Variants in PCYT1A observed in about 807,000 individuals in gnomAD.
PCYT1A encodes the protein choline-phosphate cytidylyltransferase A.
PCYT1A carries 25 observed loss-of-function variants against 43.7 expected under a neutral mutation model. The observed-to-expected ratio is 0.57, with a 90% CI of 0.42 to 0.80. PCYT1A has a LOEUF of 0.80. Ranked by LOEUF, PCYT1A falls within the 30% of genes least tolerant of loss-of-function variation. The probability of loss-of-function intolerance (pLI) is 0.00; values close to 1 mark genes in which losing one functional copy is unlikely to be tolerated. For missense variants in PCYT1A, 421 were observed against 474.2 expected (o/e 0.89, Z 1.04); for synonymous variants, 172 against 170.7 (o/e 1.01, Z -0.06).
At chr3:196,271,184 C>T (rs576022264) in intron 1 of PCYT1A, among the ~76,000 whole-genome samples, 235 of 135,728 alleles carry the variant, frequency 1.7e-3, no homozygotes, top group African/African-American at 4.6e-3. Context: ...GCCACCACAC[C>T]TAGTTATTTT....
chr3:196,258,918 T>G (rs1725027906), intron 2 of PCYT1A, among the ~76,000 whole-genome samples: 1 of 152,222 alleles, frequency 6.6e-6, no homozygotes, highest in Non-Finnish European at 1.5e-5. Flanking sequence ...ATAGTTTGTT[T>G]CTTGTGATGT....
rs1344069101 is a variant in PCYT1A, at chr3:196,252,407, C to T, written c.218-4084G>A. Among the ~76,000 whole-genome samples the T allele has an allele frequency of 3.3e-5, 5 of 152,090 alleles. No homozygotes were observed. The highest frequency in any genetic ancestry group is 4.2e-4 in the South Asian group (2 of 4,814). ...GGATTACAGGCGAAAGCCACCAAGC[C>T]GGGATAATTTTTGTATTTTTATATT... On this transcript the variant is annotated intron_variant, in intron 3 of 8. Coordinates refer to ENST00000431016, the MANE Select transcript of PCYT1A (RefSeq NM_001312673.2). The surrounding 1 kb of genome is among the most constrained non-coding windows in gnomAD (Gnocchi z 4.0).
rs921807065 is a variant in PCYT1A, at chr3:196,277,059, G to A, written c.-10-6518C>T. Reference sequence around the variant, plus strand: ...AGCCTGGCCAACATGGTGAAACCCCGTTTCTACTAAAAATATAAAAATTAG... The same window carrying A: ...AGCCTGGCCAACATGGTGAAACCCCATTTCTACTAAAAATATAAAAATTAG... On this transcript the variant is annotated intron_variant, in intron 1 of 8. Coordinates refer to ENST00000431016, the MANE Select transcript of PCYT1A (RefSeq NM_001312673.2). The surrounding 1 kb of genome is among the most constrained non-coding windows in gnomAD (Gnocchi z 4.1). Among the ~76,000 whole-genome samples the A allele has an allele frequency of 6.6e-6, 1 of 151,634 alleles. No homozygotes were observed. Among genetic ancestry groups the A allele is most frequent in the East Asian group, 1.9e-4 (1 of 5,158 alleles).
rs192917723 is a variant in PCYT1A, at chr3:196,265,041, T to A, written c.117+5374A>T. ...ATTCTTTGTAAGTTATTTTATTTTATTTATTATTATTTTTATTTTATTTAT... is the reference window on the plus strand; with the variant it reads ...ATTCTTTGTAAGTTATTTTATTTTAATTATTATTATTTTTATTTTATTTAT... On this transcript the variant is annotated intron_variant, in intron 2 of 8. Coordinates refer to ENST00000431016, the MANE Select transcript of PCYT1A (RefSeq NM_001312673.2). 1.5e-3 allele frequency among the ~76,000 whole-genome samples: 228 copies of A among 151,506 alleles called. 2 individuals carry two copies. Among genetic ancestry groups the A allele is most frequent in the Middle Eastern group, 6.8e-3 (2 of 292 alleles).
chr3:196,279,132 A>G (rs1181003548), intron 1 of PCYT1A, among the ~76,000 whole-genome samples: 2 of 151,982 alleles, frequency 1.3e-5, no homozygotes, highest in African/African-American at 4.8e-5. Flanking sequence ...TACTAAAACT[A>G]CAAAAATAAG....
chr3:196,278,894 T>C (rs978467714), intron 1 of PCYT1A, among the ~76,000 whole-genome samples: 1 of 148,316 alleles, frequency 6.7e-6, no homozygotes, highest in Non-Finnish European at 1.5e-5. Flanking sequence ...GGTGGCAGAA[T>C]CGCTTGAACC....
chr3:196,257,709 G>T, intron 3 of PCYT1A, 79 bp downstream of exon 3: 3 of 893,118 alleles, frequency 3.4e-6, no homozygotes, highest in Non-Finnish European at 5.6e-6. Flanking sequence ...AGTATATAGA[G>T]AGCAGGTGTG....
At chr3:196,279,936 G>A (rs1196136573) in intron 1 of PCYT1A, among the ~76,000 whole-genome samples, 1 of 144,018 alleles carries the variant, frequency 6.9e-6, no homozygotes, top group Non-Finnish European at 1.5e-5. Flanking sequence ...CCGGGTTCAA[G>A]CAATTCTCCT....
chr3:196,274,261 C>T (rs1361194259), intron 1 of PCYT1A, among the ~76,000 whole-genome samples: 1 of 152,204 alleles, frequency 6.6e-6, no homozygotes, highest in Non-Finnish European at 1.5e-5. Context: ...TATGTAGCCA[C>T]GGCTGCTCCC....
At chr3:196,259,798 T>TTGCCCCAC in intron 2 of PCYT1A, among the ~76,000 whole-genome samples, 1 of 149,080 alleles carries the variant, frequency 6.7e-6, no homozygotes, top group South Asian at 2.1e-4. Flanking sequence ...TGAGCTGAGA[T>TTGCCCCAC]TGCCCCACTG....
At position 196,247,021 on chromosome 3, in the gene PCYT1A, G is replaced by A. The variant is rs1004662896; in HGVS notation, c.486+346C>T. 2.0e-5 allele frequency among the ~76,000 whole-genome samples: 3 copies of A among 151,894 alleles called. No individual in the cohort carries two copies. Among genetic ancestry groups the A allele is most frequent in the African/African-American group, 7.3e-5 (3 of 41,332 alleles). On this transcript the variant is annotated intron_variant, in intron 5 of 8. Transcript: ENST00000431016. The surrounding 1 kb of genome is among the most constrained non-coding windows in gnomAD (Gnocchi z 4.8). ...CAGCCCTGCCAGTGGTGTAACTTGT[G>A]GCGAGTTCAGTTCCCAGCCCTGCCA...
In PCYT1A at chr3:196,242,499, A is replaced by T; in HGVS notation, c.565+63T>A. The T allele has an allele frequency of 9.4e-7, 1 of 1,060,358 alleles. No individual in the cohort carries two copies. The highest frequency in any genetic ancestry group is 1.5e-6 in the Non-Finnish European group (1 of 674,122). 65.7% of individuals were successfully genotyped at this position (1,060,358 alleles called of 1,614,324 possible). ...ACACATTTTCCTCTGTAAAGCAGCA[A>T]CATGGCTGAACATCTGCAGCTGCCC... On this transcript the variant is annotated intron_variant, in intron 6 of 8. Transcript: ENST00000431016. The surrounding 1 kb of genome is among the most constrained non-coding windows in gnomAD (Gnocchi z 4.2).
rs564703456 is a variant in PCYT1A, at chr3:196,247,815, G to C, written c.335-297C>G. On this transcript the variant is annotated intron_variant, in intron 4 of 8. Transcript: ENST00000431016. This position sits in a 1 kb window ranked among gnomAD's most constrained non-coding sequence, Gnocchi z 4.8. Reference sequence around the variant, plus strand: ...TGCTGTGCGTGTCTGCATCAATTAAGTCCTTAAACATGTTTTCCTGTTTTA... The same window carrying C: ...TGCTGTGCGTGTCTGCATCAATTAACTCCTTAAACATGTTTTCCTGTTTTA... The C allele has an allele frequency of 1.8e-6, 1 of 552,768 alleles. No individual in the cohort carries two copies. The highest frequency in any genetic ancestry group is 3.3e-6 in the Non-Finnish European group (1 of 301,924). The allele number at this position is 552,768 out of a possible 1,614,324, so 34.2% of individuals were successfully genotyped here. A position where few individuals can be genotyped will look rare whatever the true frequency, so the allele number is the denominator to read the frequency against.
At position 196,242,215 on chromosome 3, in the gene PCYT1A, A is replaced by G. The variant is rs1724379530; in HGVS notation, c.566-125T>C. 1.0e-6 allele frequency: 1 copy of G among 961,040 alleles called. No individual in the cohort carries two copies. The highest frequency in any genetic ancestry group is 1.5e-5 in the South Asian group (1 of 67,462). 59.5% of individuals were successfully genotyped at this position (961,040 alleles called of 1,614,324 possible). ...AAAAAGCAGAATCTGTTATTACTAA[A>G]TGAAACTGAAAGATACTGATATACA... On this transcript the variant is annotated intron_variant, in intron 6 of 8. Coordinates refer to ENST00000431016, the MANE Select transcript of PCYT1A (RefSeq NM_001312673.2). The surrounding 1 kb of genome is among the most constrained non-coding windows in gnomAD (Gnocchi z 4.2).
chr3:196,267,642 A>G (rs1458850432), intron 2 of PCYT1A, among the ~76,000 whole-genome samples: 1 of 152,040 alleles, frequency 6.6e-6, no homozygotes, highest in Non-Finnish European at 1.5e-5. Flanking sequence ...GTTTGAGCCC[A>G]GAAAGTTGAG....
At chr3:196,272,188 CT>C (rs199851752) in intron 1 of PCYT1A, among the ~76,000 whole-genome samples, 87 of 109,884 alleles carry the variant, frequency 7.9e-4, no homozygotes, top group Middle Eastern at 4.6e-3. Flanking sequence ...TCCTTCTTTC[CT>C]TTTTTTTTTT....
In PCYT1A at chr3:196,238,793, AGAGGGG is replaced by A. The variant is rs756351685; in HGVS notation, c.993_998del (p.Pro332_Ser333del). The A allele has an allele frequency of 5.0e-6, 8 of 1,586,070 alleles. No homozygotes were observed. The highest frequency in any genetic ancestry group is 6.9e-6 in the Non-Finnish European group (8 of 1,167,140). On this transcript the variant is annotated inframe_deletion, in exon 9 of 9. Coordinates refer to ENST00000431016, the MANE Select transcript of PCYT1A (RefSeq NM_001312673.2). ...TCTTGCCGGAGAAGGGCCATCGGAA[AGAGGGG>A]GAGGGGGAGCGCTCGCGAGTAGGGC...
In PCYT1A at chr3:196,266,616, G is replaced by C. The variant is rs112360736; in HGVS notation, c.117+3799C>G. On this transcript the variant is annotated intron_variant, in intron 2 of 8. Transcript: ENST00000431016. ...AAAAAAAATGAAGTACTGGCCGGAC[G>C]TGGTGGCCCACACCTGTAATCCCAG... Among the ~76,000 whole-genome samples the C allele has an allele frequency of 6.3e-3, 956 of 152,230 alleles. 15 individuals are homozygous for C. The highest frequency in any genetic ancestry group is 0.021 in the African/African-American group (869 of 41,542).
intron 2 of PCYT1A, among the ~76,000 whole-genome samples, chr3:196,263,359 G>A (rs891441312): frequency 1.3e-5 from 2 of 152,098 alleles, no homozygotes; most frequent in African/African-American, 4.8e-5. Flanking sequence ...AGGACCACAG[G>A]GGCACATCAC....
Sources: gnomAD v4.1 joint callset for allele counts (sites outside exome capture counted in the v4.1 genomes callset) on GRCh38, gnomAD v4.1.1 for gene constraint, Gnocchi (gnomAD v3.1) non-coding constraint, MANE v1.5 for transcripts, NCBI Gene and HGNC (gene_info 2026-07-23, HGNC 2026-07-21) for gene names.